The following PIK3CB variants were observed in gnomAD, a reference collection of about 807,000 sequenced individuals.
PIK3CB encodes the protein phosphatidylinositol 4,5-bisphosphate 3-kinase catalytic subunit beta isoform.
PIK3CB carries 39 observed loss-of-function variants against 136.8 expected under a neutral mutation model. That is an observed-to-expected ratio of 0.29 (90% CI 0.22 to 0.37). The LOEUF is 0.37. Among genes scored for constraint, PIK3CB ranks in the 10% least tolerant of loss-of-function variants. The pLI, the probability that PIK3CB is intolerant of heterozygous loss-of-function variation, is 1.00. For synonymous variants in PIK3CB, 428 were observed against 436.6 expected (o/e 0.98, Z 0.25); for missense variants, 868 against 1,275.4 (o/e 0.68, Z 4.87).
chr3:138,802,231 A>C (rs1422921402), intron 1 of PIK3CB, among the ~76,000 whole-genome samples: 1 of 150,776 alleles, frequency 6.6e-6, no homozygotes, highest in East Asian at 2.0e-4. Context: ...AAAAAAAAAA[A>C]AATCCAGGCA....
intron 1 of PIK3CB, among the ~76,000 whole-genome samples, chr3:138,824,344 G>A (rs1933687611): frequency 6.6e-6 from 1 of 152,112 alleles, no homozygotes; most frequent in South Asian, 2.1e-4. Flanking sequence ...TTACACTGGG[G>A]AGAATTCTGA....
intron 2 of PIK3CB, among the ~76,000 whole-genome samples, chr3:138,786,249 A>T (rs182828306): frequency 2.0e-5 from 3 of 152,354 alleles, no homozygotes; most frequent in Admixed American, 2.0e-4. Context: ...CCTCACAAAA[A>T]TTACAGATTT....
intron 11 of PIK3CB, among the ~76,000 whole-genome samples, chr3:138,704,947 C>T (rs946788950): frequency 2.6e-5 from 4 of 151,420 alleles, no homozygotes; most frequent in Non-Finnish European, 4.4e-5. Flanking sequence ...TAAGCATATA[C>T]TTATTTACAT....
intron 2 of PIK3CB, among the ~76,000 whole-genome samples, chr3:138,789,722 T>C (rs993184512): frequency 4.7e-5 from 7 of 147,774 alleles, no homozygotes; most frequent in African/African-American, 1.5e-4. Flanking sequence ...GGAGACGGAG[T>C]CTCTCTCTGT....
At chr3:138,680,375 A>T (rs1225409506) in intron 19 of PIK3CB, among the ~76,000 whole-genome samples, 1 of 151,948 alleles carries the variant, frequency 6.6e-6, no homozygotes, top group African/African-American at 2.4e-5. Flanking sequence ...AAAGAGGAAG[A>T]AGAAAAATAT....
intron 1 of PIK3CB, among the ~76,000 whole-genome samples, chr3:138,809,325 G>T (rs2046268304): frequency 6.6e-6 from 1 of 151,350 alleles, no homozygotes; most frequent in Non-Finnish European, 1.5e-5. Context: ...AGAAAATTAA[G>T]CCGGGCGCAG....
chr3:138,776,698 A>AAAACAAACAAAC (rs373365770), intron 2 of PIK3CB, among the ~76,000 whole-genome samples: 1 of 151,684 alleles, frequency 6.6e-6, no homozygotes, highest in African/African-American at 2.4e-5. Flanking sequence ...CCTGTCTCAA[A>AAAACAAACAAAC]AAACAAACAA....
rs930736010 is a variant in PIK3CB at position 138,652,742 on chromosome 3, A to G, written c.*2647T>C. The stretch of plus-strand genomic sequence containing the variant: ...AATTATAGATCTTAAAATAACTAAA[A>G]GAGTATAACTGGATTGTTTCTAATA... On this transcript the variant is annotated 3_prime_UTR_variant, in exon 24 of 24. Coordinates refer to ENST00000674063, the MANE Select transcript of PIK3CB (RefSeq NM_006219.3). 2.3e-5 allele frequency: 5 copies of G among 219,266 alleles called. No individual in the cohort carries two copies. Among genetic ancestry groups the G allele is most frequent in the Admixed American group, 1.7e-4 (3 of 17,292 alleles). The allele number at this position is 219,266 out of a possible 1,614,324, so 13.6% of individuals were successfully genotyped here.
At chr3:138,704,843 A>G (rs2044329973) in intron 11 of PIK3CB, among the ~76,000 whole-genome samples, 1 of 152,162 alleles carries the variant, frequency 6.6e-6, no homozygotes, top group Non-Finnish European at 1.5e-5. Context: ...TAAATTGTAG[A>G]ATAAACTTTT....
At chr3:138,775,781 C>G (rs941909036) in intron 2 of PIK3CB, among the ~76,000 whole-genome samples, 9 of 152,200 alleles carry the variant, frequency 5.9e-5, no homozygotes, top group African/African-American at 2.2e-4. Flanking sequence ...AAATCTTTAT[C>G]TGTTATGCAT....
At chr3:138,830,533 G>A (rs1933981621) in intron 1 of PIK3CB, among the ~76,000 whole-genome samples, 1 of 151,218 alleles carries the variant, frequency 6.6e-6, no homozygotes, top group African/African-American at 2.4e-5. Context: ...AGCCTGAACG[G>A]CAGAGCACGA....
At chr3:138,661,857 A>G (rs1410019881) in intron 21 of PIK3CB, among the ~76,000 whole-genome samples, 2 of 152,182 alleles carry the variant, frequency 1.3e-5, no homozygotes, top group African/African-American at 4.8e-5. Context: ...TAAACTGAAA[A>G]ATTATCTAAG....
At chr3:138,724,541 G>A (rs934763639) in intron 8 of PIK3CB, among the ~76,000 whole-genome samples, 9 of 152,128 alleles carry the variant, frequency 5.9e-5, no homozygotes, top group African/African-American at 2.2e-4. Flanking sequence ...CAGAAGTCCC[G>A]GTGTGGAGCT....
At chr3:138,695,047 G>GT in intron 13 of PIK3CB, 140 bp from the exon 14 acceptor site, 1 of 664,538 alleles carries the variant, frequency 1.5e-6, no homozygotes, top group Non-Finnish European at 2.4e-6. Flanking sequence ...ATCCATTCCT[G>GT]TTAATAGAGA....
At chr3:138,809,825 A>G (rs1350966547) in intron 1 of PIK3CB, among the ~76,000 whole-genome samples, 1 of 152,192 alleles carries the variant, frequency 6.6e-6, no homozygotes, top group Non-Finnish European at 1.5e-5. Context: ...ATCAGCTGAG[A>G]GAGCTTAGAA....
At chr3:138,826,201 C>G (rs1474521334) in intron 1 of PIK3CB, 1 of 1,316,424 alleles carries the variant, frequency 7.6e-7, no homozygotes, top group East Asian at 2.3e-5. Flanking sequence ...GACTATCCTC[C>G]TCTGGGTCAT....
At chr3:138,823,746 A>G (rs991065692) in intron 1 of PIK3CB, among the ~76,000 whole-genome samples, 4 of 152,192 alleles carry the variant, frequency 2.6e-5, no homozygotes, top group African/African-American at 4.8e-5. Flanking sequence ...AAAAACTATC[A>G]GTAGGCTAAC....
chr3:138,815,190 T>C (rs538505322), intron 1 of PIK3CB, among the ~76,000 whole-genome samples: 6 of 96,468 alleles, frequency 6.2e-5, no homozygotes, highest in South Asian at 3.3e-4. Context: ...TATATATATA[T>C]ACAAAAAAAT....
At chr3:138,697,609 T>C (rs549843222) in intron 13 of PIK3CB, among the ~76,000 whole-genome samples, 12 of 152,208 alleles carry the variant, frequency 7.9e-5, no homozygotes, top group African/African-American at 2.9e-4. Flanking sequence ...ATTTTTGTAT[T>C]TGTTGTAGAG....
Sources: gnomAD v4.1 joint callset for allele counts (sites outside exome capture counted in the v4.1 genomes callset) on GRCh38, gnomAD v4.1.1 for gene constraint, MANE v1.5 for transcripts, NCBI Gene and HGNC (gene_info 2026-07-23, HGNC 2026-07-21) for gene names.